The following MED12L variants were observed in gnomAD, a reference collection of about 807,000 sequenced individuals.
MED12L encodes mediator complex subunit 12L.
MED12L carries 60 observed loss-of-function variants against 281.3 expected under a neutral mutation model. That is an observed-to-expected ratio of 0.21 (90% CI 0.17 to 0.26). The LOEUF (loss-of-function observed/expected upper bound fraction) is 0.26, where lower values mean the gene tolerates loss of function less well. Ranked by LOEUF, MED12L falls within the 10% of genes least tolerant of loss-of-function variation. The pLI is 1.00. For synonymous variants in MED12L, 974 were observed against 987.2 expected, an observed-to-expected ratio of 0.99 and a Z score of 0.25; for missense variants, 2,146 against 2,680.9, an observed-to-expected ratio of 0.80 and a Z score of 4.41.
chr3:151,197,746 ACTAAAT>A (rs1724870271), intron 16 of MED12L: 1 of 152,668 alleles, frequency 6.6e-6, no homozygotes. Context: ...ATGAGAAGTC[ACTAAAT>A]GTATTATTAC....
At chr3:151,176,380 C>T (rs1330375943) in intron 11 of MED12L, among the ~76,000 whole-genome samples, 1 of 151,938 alleles carries the variant, frequency 6.6e-6, no homozygotes, top group Non-Finnish European at 1.5e-5. Context: ...CATTACTTGC[C>T]TAGGGAAAAA....
intron 39 of MED12L, among the ~76,000 whole-genome samples, chr3:151,397,121 T>G (rs1452110974): frequency 6.6e-6 from 1 of 151,972 alleles, no homozygotes; most frequent in Non-Finnish European, 1.5e-5. Context: ...TGGATTTTTT[T>G]TCTTTATTCT....
chr3:151,382,205 A>G (rs1393372646), intron 32 of MED12L, among the ~76,000 whole-genome samples: 1 of 152,230 alleles, frequency 6.6e-6, no homozygotes, highest in East Asian at 1.9e-4. Context: ...AGGAAGACAC[A>G]TACATAAGAT....
chr3:151,232,819 G>A (rs1369527929), intron 16 of MED12L, among the ~76,000 whole-genome samples: 1 of 152,128 alleles, frequency 6.6e-6, no homozygotes, highest in Non-Finnish European at 1.5e-5. Flanking sequence ...GGAGCAGAAA[G>A]ATAACTATTG....
intron 39 of MED12L, 44 bp from the exon 40 acceptor site, chr3:151,409,199 C>A: frequency 6.9e-7 from 1 of 1,456,758 alleles, no homozygotes; most frequent in Non-Finnish European, 9.3e-7. Context: ...CAAATCAAGC[C>A]CTTGCTGTTA....
chr3:151,112,766 C>T (rs1712117716), intron 2 of MED12L, among the ~76,000 whole-genome samples: 2 of 152,014 alleles, frequency 1.3e-5, no homozygotes. Context: ...GGGTTGAGTG[C>T]CCCTACTCTG....
At chr3:151,309,783 CAG>C (rs1198452505) in intron 16 of MED12L, among the ~76,000 whole-genome samples, 1 of 152,226 alleles carries the variant, frequency 6.6e-6, no homozygotes, top group East Asian at 1.9e-4. Flanking sequence ...CCTGCGGGCA[CAG>C]AGTCAGAGTT....
chr3:151,360,673 A>G, intron 21 of MED12L, 68 bp downstream of exon 21: 1 of 1,394,942 alleles, frequency 7.2e-7, no homozygotes, highest in South Asian at 1.3e-5. Flanking sequence ...CCCTGACAAT[A>G]TTGTCATCCT....
chr3:151,412,062 TGTA>T (rs1159052054), intron 41 of MED12L, among the ~76,000 whole-genome samples: 1 of 152,218 alleles, frequency 6.6e-6, no homozygotes, highest in Non-Finnish European at 1.5e-5. Flanking sequence ...TACTGTCTGT[TGTA>T]GTAGCTGCCA....
intron 11 of MED12L, 54 bp from the exon 12 acceptor site, chr3:151,185,276 G>T (rs2149072828): frequency 6.3e-7 from 1 of 1,576,360 alleles, no homozygotes. Flanking sequence ...CCTGCCTCTT[G>T]CTGGGTGAAT....
At chr3:151,112,568 TAGTGTGCCTGAG>T (rs1328527254) in intron 2 of MED12L, among the ~76,000 whole-genome samples, 1 of 152,220 alleles carries the variant, frequency 6.6e-6, no homozygotes, top group Non-Finnish European at 1.5e-5. Flanking sequence ...GAGTCCATTG[TAGTGTGCCTGAG>T]CGTTTCCTGT....
intron 27 of MED12L, among the ~76,000 whole-genome samples, 159 bp from the exon 28 acceptor site, chr3:151,375,867 G>A (rs1408337955): frequency 6.6e-6 from 1 of 151,488 alleles, no homozygotes; most frequent in East Asian, 1.9e-4. Context: ...TAAAAATTTT[G>A]TTTTTTAAAA....
chr3:151,087,883 CTTTT>C (rs776257411), intron 2 of MED12L, among the ~76,000 whole-genome samples: 1 of 149,740 alleles, frequency 6.7e-6, no homozygotes, highest in South Asian at 2.1e-4. Context: ...AGGGACTTGC[CTTTT>C]TTTTGTTTTT....
intron 16 of MED12L, among the ~76,000 whole-genome samples, chr3:151,318,617 G>C (rs1026651543): frequency 3.3e-5 from 5 of 152,148 alleles, no homozygotes; most frequent in African/African-American, 1.2e-4. Flanking sequence ...AAAGAACTTT[G>C]CTGCAAGTAC....
chr3:151,366,844 T>C (rs1755345800), intron 23 of MED12L, among the ~76,000 whole-genome samples: 1 of 152,166 alleles, frequency 6.6e-6, no homozygotes, highest in Admixed American at 6.5e-5. Flanking sequence ...ATCTTTAATA[T>C]AGTTTCTTAA....
intron 13 of MED12L, among the ~76,000 whole-genome samples, chr3:151,189,098 G>A (rs1723634699): frequency 6.6e-6 from 1 of 152,172 alleles, no homozygotes; most frequent in Non-Finnish European, 1.5e-5. Context: ...AATGCAACAG[G>A]GAGGATCTTA....
intron 16 of MED12L, among the ~76,000 whole-genome samples, chr3:151,217,578 A>G (rs1302415573): frequency 1.3e-5 from 2 of 152,098 alleles, no homozygotes; most frequent in Non-Finnish European, 2.9e-5. Flanking sequence ...TTTTGATGCA[A>G]TTGCAGATGA....
chr3:151,335,995 C>T (rs1484835681), intron 16 of MED12L, among the ~76,000 whole-genome samples: 1 of 152,118 alleles, frequency 6.6e-6, no homozygotes, highest in Admixed American at 6.6e-5. Flanking sequence ...CTGTAGTCTC[C>T]GAACATCTGA....
intron 16 of MED12L, among the ~76,000 whole-genome samples, chr3:151,293,576 T>TACACACAC (rs55846173): frequency 0.056 from 4,274 of 76,114 alleles, 376 homozygotes; most frequent in Middle Eastern, 0.1. Context: ...ATGAAGCCCT[T>TACACACAC]ACACACACAC....
Sources: gnomAD v4.1 joint callset for allele counts (sites outside exome capture counted in the v4.1 genomes callset) on GRCh38, gnomAD v4.1.1 for gene constraint, MANE v1.5 for transcripts, NCBI Gene and HGNC (gene_info 2026-07-23, HGNC 2026-07-21) for gene names.